The following KIF13A variants were observed in gnomAD, a reference collection of about 807,000 sequenced individuals.
KIF13A encodes the protein kinesin family member 13A, also known as kinesin-like protein KIF13A.
Under a neutral mutation model 212.2 loss-of-function variants are expected in KIF13A, and 79 were observed. The observed-to-expected ratio is 0.37, with a 90% CI of 0.31 to 0.45. KIF13A has a LOEUF of 0.45. KIF13A is among the 20% of genes least tolerant of loss of function. The probability of loss-of-function intolerance (pLI) is 1.00; values close to 1 mark genes in which losing one functional copy is unlikely to be tolerated. For synonymous variants in KIF13A, 789 were observed against 808.6 expected, an observed-to-expected ratio of 0.98 and a Z score of 0.41; for missense variants, 1,901 against 2,209.0, an observed-to-expected ratio of 0.86 and a Z score of 2.79.
rs35635947 is a variant in KIF13A, at chr6:17,826,084, G to T, written c.1573C>A (p.Leu525Met). ...NGTLVCSTTQ[L>M]WHGDRILWGN... The stretch of plus-strand genomic sequence containing the variant: ...CATAGGATTCGGTCACCATGCCACA[G>T]CTGGGTGGTACTGCACACAAGGGTG... The change falls in exon 15 of 39, where the codon CTG (leucine) becomes ATG (methionine). Residue 525 changes from leucine (L) to methionine (M), a missense_variant. Physicochemically the swap from Leu to Met is conservative, Grantham distance 15 (BLOSUM62 2). Around this residue, in one of 5 missense-constraint regions of KIF13A, gnomAD observed 506 missense variants for 637.4 expected, o/e 0.79. Transcript: ENST00000259711. This position sits in a 1 kb window ranked among gnomAD's most constrained non-coding sequence, Gnocchi z 4.7. 74 of 1,613,998 alleles carry T rather than the reference G, an allele frequency of 4.6e-5. No individual in the cohort carries two copies. The African/African-American group carries it at 4.9e-4, about 11-fold the overall frequency.
At chr6:17,775,860 T>TA (rs1759922369) in intron 34 of KIF13A, among the ~76,000 whole-genome samples, 1 of 152,138 alleles carries the variant, frequency 6.6e-6, no homozygotes, top group Admixed American at 6.6e-5. Context: ...TTTTTTTTTT[T>TA]AGATTACTTC....
downstream of KIF13A, chr6:17,759,490 G>T (rs1758493824): frequency 6.6e-6 from 1 of 152,106 alleles, no homozygotes; most frequent in East Asian, 1.9e-4. Flanking sequence ...AAGAAAAAAG[G>T]TACAGCAGGC....
Position 17,799,803 on chromosome 6 carries a change from C to T in KIF13A, c.2616+149G>A. On this transcript the variant is annotated intron_variant, in intron 21 of 38. Transcript: ENST00000259711. The surrounding 1 kb of genome is among the most constrained non-coding windows in gnomAD (Gnocchi z 4.4). ...TGTCATAAGAAAGTGTGCTATATTT[C>T]TGAAAACAAAGTACTGTCCACCACT... 2 of 803,762 alleles carry T rather than the reference C, an allele frequency of 2.5e-6. No individual in the cohort carries two copies. The highest frequency in any genetic ancestry group is 4.0e-6 in the Non-Finnish European group (2 of 499,256). The allele number at this position is 803,762 out of a possible 1,614,324, so 49.8% of individuals were successfully genotyped here.
At chr6:17,806,008 C>T (rs1423091325) in intron 18 of KIF13A, among the ~76,000 whole-genome samples, 1 of 151,720 alleles carries the variant, frequency 6.6e-6, no homozygotes, top group Admixed American at 6.6e-5. Flanking sequence ...CAGCCTTGAC[C>T]TCCTGGGCTC....
intron 2 of KIF13A, among the ~76,000 whole-genome samples, chr6:17,945,964 C>G (rs1214180736): frequency 6.6e-6 from 1 of 152,134 alleles, no homozygotes; most frequent in Non-Finnish European, 1.5e-5. Context: ...AATAGGTTAT[C>G]TTGATGGGGC....
intron 3 of KIF13A, among the ~76,000 whole-genome samples, chr6:17,896,989 C>T (rs529238895): frequency 2.0e-4 from 30 of 152,276 alleles, no homozygotes; most frequent in South Asian, 6.2e-4. Flanking sequence ...GACAATTGCT[C>T]GGGGAGAATC....
intron 2 of KIF13A, among the ~76,000 whole-genome samples, chr6:17,901,229 A>G (rs563038590): frequency 6.6e-6 from 1 of 152,134 alleles, no homozygotes; most frequent in African/African-American, 2.4e-5. Context: ...TCTAGAGGCT[A>G]TATGTCCTTC....
chr6:17,840,286 G>A (rs1215465893), intron 9 of KIF13A, among the ~76,000 whole-genome samples: 3 of 152,022 alleles, frequency 2.0e-5, no homozygotes, highest in Non-Finnish European at 4.4e-5. Flanking sequence ...TCCTCCAAAG[G>A]TAACAATTTT....
intron 2 of KIF13A, among the ~76,000 whole-genome samples, chr6:17,955,370 T>G (rs1271865970): frequency 6.6e-6 from 1 of 152,206 alleles, no homozygotes; most frequent in African/African-American, 2.4e-5. Context: ...CCACTCTGCC[T>G]TCTTTCATTT....
intron 2 of KIF13A, among the ~76,000 whole-genome samples, chr6:17,920,274 A>G (rs75319772): frequency 0.019 from 2,947 of 152,308 alleles, 42 homozygotes; most frequent in Non-Finnish European, 0.031. Context: ...GTAAATTAGC[A>G]TTCCTAGCAT....
In KIF13A at chr6:17,764,918, T is replaced by C; in HGVS notation, c.4610A>G (p.Glu1537Gly). Residue 1537 changes from glutamate (E) to glycine (G), a missense_variant, in exon 39 of 39, where the codon GAA (glutamate) becomes GGA (glycine). By Grantham distance (98) the Glu-to-Gly change is moderately conservative (BLOSUM62 -2). Transcript: ENST00000259711. The surrounding 1 kb of genome is among the most constrained non-coding windows in gnomAD (Gnocchi z 5.1). ...IDSEEEENEL[E>G]AINRKLISSQ... ...ACTTATTAGCTTCCTGTTAATAGCT[T>C]CCAGCTCATTTTCTTCCTCCTCAGA... is the stretch of plus-strand genomic sequence containing the variant. 1 of 1,611,984 alleles carries C rather than the reference T, an allele frequency of 6.2e-7. No homozygotes were observed. Among genetic ancestry groups the C allele is most frequent in the Non-Finnish European group, 8.5e-7 (1 of 1,178,902 alleles).
In KIF13A at chr6:17,912,431, G is replaced by A. The variant is rs1158916131; in HGVS notation, c.147-14251C>T. On this transcript the variant is annotated intron_variant, in intron 2 of 38. Transcript: ENST00000259711. The surrounding 1 kb of genome is among the most constrained non-coding windows in gnomAD (Gnocchi z 4.2). ...GCATCAGCCTGCCTGACCTTCCGTA[G>A]GACGCAGGTTTGAATCAGACACCTA... is the stretch of plus-strand genomic sequence containing the variant. 6.6e-6 allele frequency among the ~76,000 whole-genome samples: 1 copy of A among 152,218 alleles called. No homozygotes were observed. The highest frequency in any genetic ancestry group is 1.5e-5 in the Non-Finnish European group (1 of 68,042).
At position 17,828,448 on chromosome 6, in the gene KIF13A, T is replaced by A; in HGVS notation, c.1402-78A>T. The A allele has an allele frequency of 7.8e-7, 1 of 1,277,504 alleles. No homozygotes were observed. Among genetic ancestry groups the A allele is most frequent in the Non-Finnish European group, 1.1e-6 (1 of 907,920 alleles). 79.1% of individuals were successfully genotyped at this position (1,277,504 alleles called of 1,614,324 possible). A position where few individuals can be genotyped will look rare whatever the true frequency, so the allele number is the denominator to read the frequency against. On this transcript the variant is annotated intron_variant, in intron 13 of 38. Coordinates refer to ENST00000259711, the MANE Select transcript of KIF13A (RefSeq NM_022113.6). The surrounding 1 kb of genome is among the most constrained non-coding windows in gnomAD (Gnocchi z 4.3). ...AAAAATGTATCACAATCAATTTGAA[T>A]AACGCAGCAGCATATGCACAAAAAT...
chr6:17,916,152 A>G (rs1473537155), intron 2 of KIF13A, among the ~76,000 whole-genome samples: 1 of 152,180 alleles, frequency 6.6e-6, no homozygotes, highest in Non-Finnish European at 1.5e-5. Flanking sequence ...CGTTCATGGC[A>G]GTATTATTCT....
chr6:17,846,171 G>T (rs1026629879), intron 9 of KIF13A, among the ~76,000 whole-genome samples: 4 of 147,826 alleles, frequency 2.7e-5, no homozygotes, highest in Admixed American at 1.4e-4. Flanking sequence ...GGTTAGCTTG[G>T]TCTTAAACTC....
Position 17,967,203 on chromosome 6 carries a change from G to A in KIF13A, c.146+19851C>T, listed in dbSNP as rs569529067. On this transcript the variant is annotated intron_variant, in intron 2 of 38. Transcript: ENST00000259711. The surrounding 1 kb of genome is among the most constrained non-coding windows in gnomAD (Gnocchi z 4.1). ...GACTAAACATTCAGCTGAACCTAGT[G>A]CTGTAAATTTTTAGATAGTGCTACC... is the stretch of plus-strand genomic sequence containing the variant. Among the ~76,000 whole-genome samples the A allele has an allele frequency of 1.4e-4, 21 of 152,298 alleles. No homozygotes were observed. Among genetic ancestry groups the A allele is most frequent in the African/African-American group, 4.8e-4 (20 of 41,574 alleles).
intron 2 of KIF13A, among the ~76,000 whole-genome samples, chr6:17,952,993 G>A (rs1345837316): frequency 2.6e-5 from 4 of 151,884 alleles, no homozygotes; most frequent in Admixed American, 1.3e-4. Flanking sequence ...AGAGAGGACC[G>A]GAGGGGAGAG....
chr6:17,921,695 A>C (rs867144651), intron 2 of KIF13A, among the ~76,000 whole-genome samples: 2 of 152,136 alleles, frequency 1.3e-5, no homozygotes, highest in African/African-American at 4.8e-5. Context: ...GGAAGGGAGG[A>C]GAATGCCCTT....
downstream of KIF13A, chr6:17,760,914 C>A (rs1315797190): frequency 6.2e-7 from 1 of 1,609,350 alleles, no homozygotes; most frequent in Admixed American, 1.7e-5. Flanking sequence ...TGCTTCTCAT[C>A]CCCACCTCCC....
Sources: gnomAD v4.1 joint callset for allele counts (sites outside exome capture counted in the v4.1 genomes callset) on GRCh38, gnomAD v4.1.1 for gene constraint, gnomAD v4.1.1 regional missense constraint, Gnocchi (gnomAD v3.1) non-coding constraint, MANE v1.5 for transcripts, NCBI Gene and HGNC (gene_info 2026-07-23, HGNC 2026-07-21) for gene names.